The following EIF4ENIF1 variants were observed in gnomAD, a reference collection of about 807,000 sequenced individuals.
EIF4ENIF1 encodes the protein eukaryotic translation initiation factor 4E nuclear import factor 1.
Under a neutral mutation model 110.5 loss-of-function variants are expected in EIF4ENIF1, and 23 were observed. The ratio of observed to expected loss-of-function variants is 0.21; its 90% CI spans 0.15 to 0.29. The LOEUF is 0.29. EIF4ENIF1 is among the 10% of genes least tolerant of loss of function. The pLI is 1.00. For missense variants in EIF4ENIF1, 1,031 were observed against 1,221.1 expected, an observed-to-expected ratio of 0.84 and a Z score of 2.32; for synonymous variants, 440 against 437.0, an observed-to-expected ratio of 1.01 and a Z score of -0.09.
At chr22:31,445,043 G>A (rs995700931) in intron 14 of EIF4ENIF1, among the ~76,000 whole-genome samples, 1 of 152,226 alleles carries the variant, frequency 6.6e-6, no homozygotes, top group Non-Finnish European at 1.5e-5. Context: ...TGGGGAAGAA[G>A]CTGCATTCCA....
At chr22:31,464,391 A>T (rs1269376157) in intron 4 of EIF4ENIF1, among the ~76,000 whole-genome samples, 2 of 151,960 alleles carry the variant, frequency 1.3e-5, no homozygotes, top group Non-Finnish European at 2.9e-5. Flanking sequence ...ACTTAAATCT[A>T]TATTTGGGGC....
intron 3 of EIF4ENIF1, among the ~76,000 whole-genome samples, chr22:31,470,858 A>C (rs539694425): frequency 5.3e-5 from 8 of 151,380 alleles, no homozygotes; most frequent in Non-Finnish European, 8.8e-5. Flanking sequence ...ATAAATACAA[A>C]AACATTAGCT....
chr22:31,452,286 A>G (rs139655247), intron 10 of EIF4ENIF1, among the ~76,000 whole-genome samples: 48 of 152,344 alleles, frequency 3.2e-4, no homozygotes, highest in African/African-American at 1.1e-3. Flanking sequence ...AAATTGAGCA[A>G]TATTTTGAGA....
rs780988574 is a variant in EIF4ENIF1 at position 31,449,463 on chromosome 22, C to T, written c.1653G>A (p.Leu551=). ...GGCCCAGTAAAGATGTTGTAGGCTC[C>T]AAGCTCCCCATAAGGCCACTCAGAA... is the stretch of plus-strand genomic sequence containing the variant. ...SNLLSGLMGS[L]EPTTSLLGQR... The change falls in exon 12 of 19, where the codon TTG becomes TTA. Residue 551 remains leucine, a synonymous_variant. Coordinates refer to ENST00000330125, the MANE Select transcript of EIF4ENIF1 (RefSeq NM_019843.4). 1.9e-6 allele frequency: 3 copies of T among 1,614,166 alleles called. No individual in the cohort carries two copies. Among genetic ancestry groups the T allele is most frequent in the Non-Finnish European group, 2.5e-6 (3 of 1,180,024 alleles).
chr22:31,438,631 G>C (rs541227887), downstream of EIF4ENIF1, among the ~76,000 whole-genome samples: 1 of 152,300 alleles, frequency 6.6e-6, no homozygotes, highest in South Asian at 2.1e-4. Flanking sequence ...GCTATCTATA[G>C]GGTCAGTCCA....
Position 31,468,284 on chromosome 22 carries a change from A to C in EIF4ENIF1, c.189T>G (p.Pro63=). 1.9e-6 allele frequency: 3 copies of C among 1,614,194 alleles called. No homozygotes were observed. The highest frequency in any genetic ancestry group is 1.7e-6 in the Non-Finnish European group (2 of 1,180,038). The change falls in exon 4 of 19, where the codon CCT becomes CCG. Residue 63 remains proline, a synonymous_variant. Coordinates refer to ENST00000330125, the MANE Select transcript of EIF4ENIF1 (RefSeq NM_019843.4). ...EKYDSDGVWD[P]EKWHASLYPA... ...GGTAGAGAGAGGCATGCCACTTCTC[A>C]GGGTCCCAGACACCATCACTACAGG...
chr22:31,448,057 A>G, intron 13 of EIF4ENIF1, 96 bp downstream of exon 13: 1 of 1,431,460 alleles, frequency 7.0e-7, no homozygotes, highest in East Asian at 2.3e-5. Flanking sequence ...CCTCAAAACC[A>G]TTTTTAAGAA....
At chr22:31,462,155 A>C (rs1216235821) in intron 6 of EIF4ENIF1, among the ~76,000 whole-genome samples, 1 of 142,116 alleles carries the variant, frequency 7.0e-6, no homozygotes, top group East Asian at 2.1e-4. Flanking sequence ...AGTTAGGGAA[A>C]CAGTATGATC....
intron 1 of EIF4ENIF1, 197 bp downstream of exon 1, chr22:31,489,497 C>T (rs2052180297): frequency 6.7e-6 from 1 of 149,794 alleles, no homozygotes; most frequent in Non-Finnish European, 1.5e-5. Context: ...CCCGGCGGCT[C>T]GGTCCCCGCC....
At chr22:31,478,844 C>T (rs564302203) in intron 2 of EIF4ENIF1, among the ~76,000 whole-genome samples, 291 of 149,024 alleles carry the variant, frequency 2.0e-3, no homozygotes, top group Admixed American at 3.5e-3. Context: ...CCCAGCTACT[C>T]GGGAGGCTGA....
intron 2 of EIF4ENIF1, among the ~76,000 whole-genome samples, chr22:31,478,747 C>G (rs1043354708): frequency 1.3e-5 from 2 of 151,256 alleles, no homozygotes; most frequent in East Asian, 2.0e-4. Flanking sequence ...GTCAGGAGAT[C>G]GAGACCATCC....
chr22:31,456,052 T>C, intron 7 of EIF4ENIF1, 65 bp from the exon 8 acceptor site: 1 of 1,536,500 alleles, frequency 6.5e-7, no homozygotes. Flanking sequence ...GTTTAAATCT[T>C]ATGAAAGGGT....
chr22:31,491,906 T>C (rs1426628177), upstream of EIF4ENIF1, among the ~76,000 whole-genome samples: 1 of 152,186 alleles, frequency 6.6e-6, no homozygotes, highest in Admixed American at 6.5e-5. Flanking sequence ...TACTGTTACG[T>C]AACAAACCAC....
intron 2 of EIF4ENIF1, among the ~76,000 whole-genome samples, chr22:31,472,458 G>A (rs753894831): frequency 5.3e-5 from 8 of 152,016 alleles, no homozygotes; most frequent in African/African-American, 9.7e-5. Flanking sequence ...TAGTAGAGAC[G>A]GGGTTTTGCC....
At chr22:31,472,153 A>G (rs1473292943) in intron 2 of EIF4ENIF1, among the ~76,000 whole-genome samples, 1 of 152,210 alleles carries the variant, frequency 6.6e-6, no homozygotes, top group Non-Finnish European at 1.5e-5. Flanking sequence ...CATAATTGCT[A>G]TTGAATAACA....
chr22:31,447,657 G>A (rs955563747), intron 13 of EIF4ENIF1, 92 bp from the exon 14 acceptor site: 3 of 1,416,660 alleles, frequency 2.1e-6, no homozygotes, highest in Non-Finnish European at 2.8e-6. Flanking sequence ...GGTATGTTAA[G>A]CAGAAGCTGA....
At chr22:31,487,906 G>A (rs560762997) in intron 2 of EIF4ENIF1, among the ~76,000 whole-genome samples, 2 of 151,640 alleles carry the variant, frequency 1.3e-5, no homozygotes, top group Non-Finnish European at 2.9e-5. Flanking sequence ...CAACACTGTT[G>A]AGCAAGTTTT....
chr22:31,480,745 A>C (rs1042304475), intron 2 of EIF4ENIF1, among the ~76,000 whole-genome samples: 1 of 151,482 alleles, frequency 6.6e-6, no homozygotes, highest in African/African-American at 2.4e-5. Flanking sequence ...ACAGGAACAA[A>C]ACTCCCTCTG....
intron 2 of EIF4ENIF1, among the ~76,000 whole-genome samples, chr22:31,480,289 C>T (rs2051762959): frequency 6.6e-6 from 1 of 152,158 alleles, no homozygotes; most frequent in African/African-American, 2.4e-5. Flanking sequence ...TTGGTGATCA[C>T]TATTAAAGTG....
Sources: gnomAD v4.1 joint callset for allele counts (sites outside exome capture counted in the v4.1 genomes callset) on GRCh38, gnomAD v4.1.1 for gene constraint, MANE v1.5 for transcripts, NCBI Gene and HGNC (gene_info 2026-07-23, HGNC 2026-07-21) for gene names.